Variants in ABI1 observed in about 807,000 individuals in gnomAD.
ABI1 encodes the protein Abelson interactor 1.
ABI1 carries 14 observed loss-of-function variants against 54.6 expected under a neutral mutation model. The observed-to-expected ratio is 0.26, with a 90% CI of 0.17 to 0.40. The LOEUF (loss-of-function observed/expected upper bound fraction) is 0.40. Ranked by LOEUF, ABI1 falls within the 10% of genes least tolerant of loss-of-function variation. The probability of loss-of-function intolerance (pLI) is 1.00; values close to 1 mark genes in which losing one functional copy is unlikely to be tolerated. For synonymous variants in ABI1, 194 were observed against 209.3 expected, an observed-to-expected ratio of 0.93 and a Z score of 0.63; for missense variants, 443 against 598.3, an observed-to-expected ratio of 0.74 and a Z score of 2.71.
intron 7 of ABI1, 131 bp from the exon 8 acceptor site, chr10:26,759,369 A>T: frequency 1.6e-6 from 1 of 638,810 alleles, no homozygotes; most frequent in Non-Finnish European, 2.4e-6. Flanking sequence ...GGCACAAAAT[A>T]AAGAGAAAAG....
At chr10:26,836,476 G>T (rs901301506) in intron 1 of ABI1, among the ~76,000 whole-genome samples, 1 of 152,146 alleles carries the variant, frequency 6.6e-6, no homozygotes, top group Non-Finnish European at 1.5e-5. Flanking sequence ...ACCTAATTTT[G>T]TCTGATATAA....
chr10:26,806,329 C>A (rs1351899830), intron 2 of ABI1, among the ~76,000 whole-genome samples: 1 of 152,100 alleles, frequency 6.6e-6, no homozygotes, highest in Non-Finnish European at 1.5e-5. Context: ...GTGGAGATCT[C>A]TTATTACCAC....
At chr10:26,819,129 G>A (rs567132815) in intron 2 of ABI1, among the ~76,000 whole-genome samples, 2 of 152,190 alleles carry the variant, frequency 1.3e-5, no homozygotes, top group Non-Finnish European at 1.5e-5. Flanking sequence ...AAAGTTTAAA[G>A]ATGTTTACCA....
At chr10:26,783,908 C>T (rs906275884) in intron 2 of ABI1, among the ~76,000 whole-genome samples, 1 of 152,128 alleles carries the variant, frequency 6.6e-6, no homozygotes, top group African/African-American at 2.4e-5. Flanking sequence ...CACTCTTGCA[C>T]CTGGCCCTTC....
chr10:26,823,606 A>G (rs549711718), intron 1 of ABI1, among the ~76,000 whole-genome samples: 6 of 152,226 alleles, frequency 3.9e-5, no homozygotes, highest in Admixed American at 2.6e-4. Context: ...TCCATCACCA[A>G]TTCACTGCAT....
intron 10 of ABI1, among the ~76,000 whole-genome samples, chr10:26,750,447 T>C (rs1014447942): frequency 6.6e-6 from 1 of 152,088 alleles, no homozygotes; most frequent in African/African-American, 2.4e-5. Context: ...TGAGCCGAGA[T>C]TGCACCACTG....
At chr10:26,854,448 A>C (rs896259205) in intron 1 of ABI1, among the ~76,000 whole-genome samples, 1 of 129,060 alleles carries the variant, frequency 7.7e-6, no homozygotes, top group African/African-American at 3.6e-5. Context: ...TTGGTGTGAA[A>C]GAAGAAAAAA....
At chr10:26,848,200 CAAAAAAAAA>C (rs149066426) in intron 1 of ABI1, among the ~76,000 whole-genome samples, 1 of 78,690 alleles carries the variant, frequency 1.3e-5, no homozygotes, top group East Asian at 3.7e-4. Flanking sequence ...GACCCTGTCT[CAAAAAAAAA>C]AAAAAAAAAA....
chr10:26,856,248 G>A (rs945864801), intron 1 of ABI1, among the ~76,000 whole-genome samples: 1 of 150,694 alleles, frequency 6.6e-6, no homozygotes. Flanking sequence ...ACTCCAGCCT[G>A]GGTGACAGAG....
At chr10:26,830,778 A>G (rs1327804365) in intron 1 of ABI1, among the ~76,000 whole-genome samples, 4 of 152,184 alleles carry the variant, frequency 2.6e-5, no homozygotes, top group African/African-American at 9.7e-5. Context: ...TAAATATTCT[A>G]GTAGGTATAT....
At chr10:26,751,511 G>T in intron 10 of ABI1, 87 bp downstream of exon 10, 1 of 1,354,396 alleles carries the variant, frequency 7.4e-7, no homozygotes, top group Non-Finnish European at 1.0e-6. Flanking sequence ...AAAAGGCTGA[G>T]AAACATTGGA....
chr10:26,827,920 G>T (rs551031830), intron 1 of ABI1, among the ~76,000 whole-genome samples: 1 of 152,284 alleles, frequency 6.6e-6, no homozygotes, highest in South Asian at 2.1e-4. Flanking sequence ...TGATTCATGT[G>T]TTCAGTGGAC....
At chr10:26,807,234 G>A (rs1304879955) in intron 2 of ABI1, among the ~76,000 whole-genome samples, 2 of 152,168 alleles carry the variant, frequency 1.3e-5, no homozygotes, top group African/African-American at 4.8e-5. Context: ...AGCACTTTTG[G>A]AGGCAGAAGG....
chr10:26,785,982 A>G (rs79349206), intron 2 of ABI1, among the ~76,000 whole-genome samples: 9,368 of 152,172 alleles, frequency 0.062, 432 homozygotes, highest in East Asian at 0.19. Context: ...ATAAAGTCCT[A>G]TGTCTCTGGT....
At chr10:26,764,759 C>A (rs1420581057) in intron 7 of ABI1, among the ~76,000 whole-genome samples, 5 of 152,242 alleles carry the variant, frequency 3.3e-5, no homozygotes, top group African/African-American at 1.2e-4. Flanking sequence ...TACAGTATAA[C>A]TATTTAAGTA....
chr10:26,748,989 T>C (rs1328029263), intron 10 of ABI1, among the ~76,000 whole-genome samples: 1 of 152,226 alleles, frequency 6.6e-6, no homozygotes, highest in African/African-American at 2.4e-5. Context: ...TCAATCACTT[T>C]AAGAAAGCTC....
Position 26,747,321 on chromosome 10 carries a change from A to C in ABI1, c.*1249T>G. On this transcript the variant is annotated 3_prime_UTR_variant, in exon 11 of 11. Transcript: ENST00000376140. ...CCTCCCTTCAATTAAGAGGAGACAC[A>C]CAAAGTGCATGTGTTGCATTTTGAT... 1 of 226,190 alleles carries C rather than the reference A, an allele frequency of 4.4e-6. No homozygotes were observed. The highest frequency in any genetic ancestry group is 5.7e-5 in the Admixed American group (1 of 17,596). 14.0% of individuals were successfully genotyped at this position (226,190 alleles called of 1,614,324 possible).
chr10:26,831,521 C>T (rs1218388706), intron 1 of ABI1, among the ~76,000 whole-genome samples: 1 of 151,832 alleles, frequency 6.6e-6, no homozygotes, highest in African/African-American at 2.4e-5. Flanking sequence ...CCAGCCTGGG[C>T]GACAAAGCGA....
chr10:26,859,076 C>G (rs755145626), intron 1 of ABI1, among the ~76,000 whole-genome samples: 10 of 152,178 alleles, frequency 6.6e-5, no homozygotes, highest in Middle Eastern at 3.4e-3. Flanking sequence ...TTTTTAATAT[C>G]GATAAACTAC....
Sources: gnomAD v4.1 joint callset for allele counts (sites outside exome capture counted in the v4.1 genomes callset) on GRCh38, gnomAD v4.1.1 for gene constraint, MANE v1.5 for transcripts, NCBI Gene and HGNC (gene_info 2026-07-23, HGNC 2026-07-21) for gene names.